The following RIMS2 variants were observed in gnomAD, a reference collection of about 807,000 sequenced individuals.
The protein encoded by RIMS2 is regulating synaptic membrane exocytosis protein 2.
Under a neutral mutation model 174.4 loss-of-function variants are expected in RIMS2, and 59 were observed. That is an observed-to-expected ratio of 0.34 (90% CI 0.27 to 0.42). RIMS2 has a LOEUF of 0.42. Among genes scored for constraint, RIMS2 ranks in the 10% least tolerant of loss-of-function variants. The pLI is 1.00. For synonymous variants in RIMS2, 606 were observed against 572.5 expected (o/e 1.06, Z -0.84); for missense variants, 1,620 against 1,666.3 (o/e 0.97, Z 0.48).
chr8:103,576,736 A>G (rs1379361506), intron 1 of RIMS2, among the ~76,000 whole-genome samples: 1 of 152,202 alleles, frequency 6.6e-6, no homozygotes, highest in Non-Finnish European at 1.5e-5. Flanking sequence ...TATATAGACC[A>G]ATGGAACAGA....
chr8:103,863,858 C>T (rs953821792), intron 3 of RIMS2, among the ~76,000 whole-genome samples: 1 of 147,476 alleles, frequency 6.8e-6, no homozygotes, highest in African/African-American at 2.5e-5. Context: ...AGCAGTGTAT[C>T]AATTTTTTTC....
rs149952853 is a variant in RIMS2 at position 103,935,220 on chromosome 8, T to C, written c.2376-1331T>C. ...TCAGATAAGTTATTCCCATACACAT[T>C]ATCACTTCTTTCCATGTATAGAGAT... On this transcript the variant is annotated intron_variant, in intron 12 of 23. Coordinates refer to ENST00000504942, the Ensembl canonical transcript of RIMS2. Among the ~76,000 whole-genome samples the C allele has an allele frequency of 4.4e-3, 667 of 152,302 alleles. 8 individuals are homozygous for C. Among genetic ancestry groups the C allele is most frequent in the African/African-American group, 0.014 (573 of 41,566 alleles).
intron 1 of RIMS2, among the ~76,000 whole-genome samples, chr8:103,590,715 G>A (rs2094210396): frequency 6.6e-6 from 1 of 151,042 alleles, no homozygotes; most frequent in South Asian, 2.1e-4. Context: ...TTTGCTTGTA[G>A]ATAAACTTCA....
chr8:103,706,257 A>G (rs1278211211), intron 2 of RIMS2, among the ~76,000 whole-genome samples: 2 of 152,088 alleles, frequency 1.3e-5, no homozygotes, highest in Non-Finnish European at 2.9e-5. Flanking sequence ...TATCTTTTAA[A>G]TATGCCTTTC....
chr8:104,015,278 A>G (rs1290705118), intron 19 of RIMS2: 2 of 462,574 alleles, frequency 4.3e-6, no homozygotes, highest in Middle Eastern at 5.3e-4. Flanking sequence ...AATAATACAT[A>G]TAAGTTTAAA....
intron 1 of RIMS2, among the ~76,000 whole-genome samples, chr8:103,640,756 G>T (rs1046787905): frequency 6.6e-6 from 1 of 151,980 alleles, no homozygotes; most frequent in Non-Finnish European, 1.5e-5. Flanking sequence ...TTATTAAAGG[G>T]TGTTTCATGG....
intron 3 of RIMS2, among the ~76,000 whole-genome samples, chr8:103,796,276 C>T (rs1162683688): frequency 1.3e-5 from 2 of 152,088 alleles, no homozygotes; most frequent in East Asian, 3.8e-4. Flanking sequence ...AAATTCTTAA[C>T]TTTATAAGAG....
At chr8:104,246,232 G>A (rs1041319778) in intron 20 of RIMS2, among the ~76,000 whole-genome samples, 2 of 152,218 alleles carry the variant, frequency 1.3e-5, no homozygotes, top group African/African-American at 4.8e-5. Flanking sequence ...CGTTGGGGAT[G>A]TAAGTCATAG....
intron 2 of RIMS2, among the ~76,000 whole-genome samples, chr8:103,743,649 G>A (rs28478652): frequency 0.23 from 34,888 of 151,888 alleles, 4,284 homozygotes; most frequent in Non-Finnish European, 0.25. Flanking sequence ...CTCTAAGGAA[G>A]TATTTGAGAA....
chr8:104,063,620 T>G (rs1477606369), intron 19 of RIMS2, among the ~76,000 whole-genome samples: 1 of 152,218 alleles, frequency 6.6e-6, no homozygotes, highest in East Asian at 1.9e-4. Flanking sequence ...AATTGCAAAT[T>G]TCTAATTTTC....
chr8:103,552,130 T>G, intron 1 of RIMS2, among the ~76,000 whole-genome samples: 1 of 151,894 alleles, frequency 6.6e-6, no homozygotes, highest in Non-Finnish European at 1.5e-5. Context: ...CCAAAAAAGA[T>G]TCCATATTGG....
At chr8:103,890,549 G>A (rs977487302) in intron 4 of RIMS2, among the ~76,000 whole-genome samples, 10 of 151,942 alleles carry the variant, frequency 6.6e-5, no homozygotes, top group Admixed American at 5.9e-4. Flanking sequence ...TGATTTTTGC[G>A]CACTCTGTAT....
chr8:103,566,520 C>G (rs1233214951), intron 1 of RIMS2, among the ~76,000 whole-genome samples: 2 of 152,174 alleles, frequency 1.3e-5, no homozygotes, highest in Non-Finnish European at 2.9e-5. Context: ...AGTTTTTCTA[C>G]TTTCCACTTA....
chr8:103,591,826 A>G (rs1170607383), intron 1 of RIMS2, among the ~76,000 whole-genome samples: 1 of 151,140 alleles, frequency 6.6e-6, no homozygotes, highest in Non-Finnish European at 1.5e-5. Flanking sequence ...TGAAGATGGG[A>G]TGTTTAAACC....
intron 1 of RIMS2, among the ~76,000 whole-genome samples, chr8:103,572,096 G>T (rs181360394): frequency 6.6e-6 from 1 of 152,094 alleles, no homozygotes; most frequent in Non-Finnish European, 1.5e-5. Flanking sequence ...TGTTCCTTCC[G>T]ATGTTCAGAA....
chr8:103,943,045 C>T (rs1465156406), intron 14 of RIMS2, 119 bp downstream of exon 16: 12 of 720,090 alleles, frequency 1.7e-5, no homozygotes, highest in Non-Finnish European at 2.7e-5. Flanking sequence ...TTAGTGTTTC[C>T]ATAGCTATGA....
intron 19 of RIMS2, among the ~76,000 whole-genome samples, chr8:104,081,886 C>G (rs2097426698): frequency 6.6e-6 from 1 of 151,912 alleles, no homozygotes; most frequent in African/African-American, 2.4e-5. Context: ...CTGGGCTGTT[C>G]TCTTGAACAA....
intron 3 of RIMS2, among the ~76,000 whole-genome samples, chr8:103,833,846 C>T (rs1342817077): frequency 6.6e-6 from 1 of 152,078 alleles, no homozygotes; most frequent in East Asian, 1.9e-4. Flanking sequence ...ATCTCACAGT[C>T]TTCATTGATT....
intron 2 of RIMS2, among the ~76,000 whole-genome samples, chr8:103,705,685 A>G (rs2097216515): frequency 6.6e-6 from 1 of 152,054 alleles, no homozygotes; most frequent in Non-Finnish European, 1.5e-5. Context: ...TGACCCCTGT[A>G]TCATTAAATA....
Sources: gnomAD v4.1 joint callset for allele counts (sites outside exome capture counted in the v4.1 genomes callset) on GRCh38, gnomAD v4.1.1 for gene constraint, MANE v1.5 for transcripts, NCBI Gene and HGNC (gene_info 2026-07-23, HGNC 2026-07-21) for gene names.